KCNG2: variants seen among roughly 807,000 people sequenced by gnomAD.
KCNG2 encodes voltage-gated potassium channel regulatory subunit KCNG2.
A neutral mutation model predicts 12.3 loss-of-function variants in KCNG2; 7 were observed. The ratio of observed to expected loss-of-function variants is 0.57; its 90% CI spans 0.32 to 1.07. The LOEUF is 1.07. Ranked by LOEUF, KCNG2 falls within the 50% of genes least tolerant of loss-of-function variation. The probability of loss-of-function intolerance (pLI) is 0.04; values close to 1 mark genes in which losing one functional copy is unlikely to be tolerated. For missense variants in KCNG2, 703 were observed against 726.0 expected (o/e 0.97, Z 0.36); for synonymous variants, 414 against 351.4 (o/e 1.18, Z -1.99).
chr18:79,846,217 C>T (rs946204106), intron 1 of KCNG2, among the ~76,000 whole-genome samples: 2 of 135,104 alleles, frequency 1.5e-5, no homozygotes, highest in South Asian at 4.7e-4. Context: ...CTAAAAAATA[C>T]AAAAAATTGG....
chr18:79,822,527 C>T lies in KCNG2; in HGVS notation c.-115+24513C>T, dbSNP rs1013312552. 1.3e-5 allele frequency among the ~76,000 whole-genome samples: 2 copies of T among 152,192 alleles called. No homozygotes were observed. The highest frequency in any genetic ancestry group is 1.5e-5 in the Non-Finnish European group (1 of 68,042). Reference sequence around the variant, plus strand: ...CAGTCATGGCTCCCTGCAGCCTCAGCCTCCAGGGCTCAAGCATCCTCCCAC... The same window carrying T: ...CAGTCATGGCTCCCTGCAGCCTCAGTCTCCAGGGCTCAAGCATCCTCCCAC... On this transcript the variant is annotated intron_variant, in intron 1 of 3. Coordinates refer to ENST00000316249, the MANE Select transcript of KCNG2 (RefSeq NM_012283.2). This position sits in a 1 kb window ranked among gnomAD's most constrained non-coding sequence, Gnocchi z 4.4.
intron 3 of KCNG2, among the ~76,000 whole-genome samples, chr18:79,873,758 G>A (rs1006862215): frequency 6.6e-6 from 1 of 152,236 alleles, no homozygotes; most frequent in Non-Finnish European, 1.5e-5. Flanking sequence ...CGCGGTTAGA[G>A]CTGGCAACAG....
intron 1 of KCNG2, among the ~76,000 whole-genome samples, chr18:79,817,371 G>T (rs1162474279): frequency 1.3e-5 from 2 of 152,188 alleles, no homozygotes; most frequent in Non-Finnish European, 2.9e-5. Flanking sequence ...ACACACAGTT[G>T]TCATGCCTGG....
At chr18:79,866,373 T>C (rs1599408300) in intron 3 of KCNG2, among the ~76,000 whole-genome samples, 1 of 116,656 alleles carries the variant, frequency 8.6e-6, no homozygotes. Context: ...GTCTGGGTGC[T>C]GAGGTCTGGG....
chr18:79,898,862 G>GT (rs1197242068), intron 3 of KCNG2, among the ~76,000 whole-genome samples, 178 bp from the exon 4 acceptor site: 1 of 152,256 alleles, frequency 6.6e-6, no homozygotes, highest in Non-Finnish European at 1.5e-5. Context: ...AATCTTGCTG[G>GT]TTTTCTGGGT....
chr18:79,836,318 G>A (rs1001801995), intron 1 of KCNG2, among the ~76,000 whole-genome samples: 5 of 152,146 alleles, frequency 3.3e-5, no homozygotes, highest in Non-Finnish European at 5.9e-5. Context: ...GATCTAAGAG[G>A]ACATAGCAAT....
At chr18:79,879,545 A>T (rs1400200131) in intron 3 of KCNG2, among the ~76,000 whole-genome samples, 1 of 152,090 alleles carries the variant, frequency 6.6e-6, no homozygotes, top group Non-Finnish European at 1.5e-5. Context: ...AAATGGGATT[A>T]CCCTACTCAA....
intron 3 of KCNG2, among the ~76,000 whole-genome samples, chr18:79,866,363 GTCT>G (rs1979546712): frequency 9.8e-6 from 1 of 102,018 alleles, no homozygotes; most frequent in Non-Finnish European, 2.3e-5. Context: ...GTGTGCTGAG[GTCT>G]GGGTGCTGAG....
intron 1 of KCNG2, among the ~76,000 whole-genome samples, chr18:79,809,527 G>GCTCTGAGGAGCTGCCGGGGCCTCA (rs2087476885): frequency 4.2e-5 from 2 of 47,288 alleles, no homozygotes; most frequent in Admixed American, 2.3e-4. Flanking sequence ...CCGGGGCCGC[G>GCTCTGAGGAGCTGCCGGGGCCTCA]CTGACCACAC....
Position 79,899,367 on chromosome 18 carries a change from T to G in KCNG2, c.952T>G (p.Cys318Gly). Reference sequence around the variant, plus strand: ...TTCGCTGGGCCTGACCATGCGCCGCTGCGCGCGCGAGTTCGGGCTGCTGCT... The same window carrying G: ...TTCGCTGGGCCTGACCATGCGCCGCGGCGCGCGCGAGTTCGGGCTGCTGCT... ...LRSLGLTMRR[C>G]AREFGLLLLF... Residue 318 changes from cysteine (C) to glycine (G), a missense_variant, in exon 4 of 4, where the codon TGC (cysteine) becomes GGC (glycine). Cys to Gly is a radical substitution (Grantham distance 159). Coordinates refer to ENST00000316249, the MANE Select transcript of KCNG2 (RefSeq NM_012283.2). The G allele has an allele frequency of 6.4e-7, 1 of 1,556,460 alleles. No individual in the cohort carries two copies.
At chr18:79,872,533 C>T (rs894061989) in intron 3 of KCNG2, among the ~76,000 whole-genome samples, 2 of 152,248 alleles carry the variant, frequency 1.3e-5, no homozygotes, top group East Asian at 1.9e-4. Context: ...GATACACGCA[C>T]CTTGGCCTCC....
chr18:79,859,589 C>T (rs759981594), intron 2 of KCNG2, among the ~76,000 whole-genome samples: 10 of 152,216 alleles, frequency 6.6e-5, no homozygotes, highest in Non-Finnish European at 1.2e-4. Context: ...GCCCCCATGA[C>T]CCAAACCCCT....
intron 2 of KCNG2, among the ~76,000 whole-genome samples, chr18:79,859,668 C>T (rs893878100): frequency 2.0e-5 from 3 of 152,194 alleles, no homozygotes; most frequent in South Asian, 2.1e-4. Context: ...AATATCCAAA[C>T]GATAGCAGGG....
rs1409090777 is a variant in KCNG2 at position 79,803,095 on chromosome 18, T to C, written c.-115+5081T>C. Among the ~76,000 whole-genome samples the C allele has an allele frequency of 6.6e-6, 1 of 152,170 alleles. No individual in the cohort carries two copies. The highest frequency in any genetic ancestry group is 1.5e-5 in the Non-Finnish European group (1 of 68,028). ...TGGGAGGCTGAGGCAGGAGAATCGC[T>C]TGAACCCGGAAGGCGGAGCTTGCAG... On this transcript the variant is annotated intron_variant, in intron 1 of 3. Coordinates refer to ENST00000316249, the MANE Select transcript of KCNG2 (RefSeq NM_012283.2). This position sits in a 1 kb window ranked among gnomAD's most constrained non-coding sequence, Gnocchi z 4.5.
At chr18:79,893,148 A>G (rs1425980905) in intron 3 of KCNG2, among the ~76,000 whole-genome samples, 1 of 151,612 alleles carries the variant, frequency 6.6e-6, no homozygotes. Flanking sequence ...CGCCATTCAC[A>G]TCTAATGTTA....
At position 79,824,823 on chromosome 18, in the gene KCNG2, G is replaced by A. The variant is rs138491937; in HGVS notation, c.-115+26809G>A. Reference sequence around the variant, plus strand: ...CTTCTGGAACAAATTCTACTTTGTCGCAGTATTTTTTTTTCTTAAGAGGCA... The same window carrying A: ...CTTCTGGAACAAATTCTACTTTGTCACAGTATTTTTTTTTCTTAAGAGGCA... On this transcript the variant is annotated intron_variant, in intron 1 of 3. Transcript: ENST00000316249. Among the ~76,000 whole-genome samples, 644 of 152,152 alleles carry A rather than the reference G, an allele frequency of 4.2e-3. 7 individuals carry two copies. Among genetic ancestry groups the A allele is most frequent in the African/African-American group, 0.015 (609 of 41,490 alleles).
At position 79,800,755 on chromosome 18, in the gene KCNG2, G is replaced by A. The variant is rs1380147710; in HGVS notation, c.-115+2741G>A. 6.6e-6 allele frequency among the ~76,000 whole-genome samples: 1 copy of A among 152,202 alleles called. No individual in the cohort carries two copies. The highest frequency in any genetic ancestry group is 1.5e-5 in the Non-Finnish European group (1 of 68,044). Reference sequence around the variant, plus strand: ...TTGCAGTCGGCCTGGCGTGTCCTGCGGGCACCCGCAGGCTCTGCTCACCCA... The same window carrying A: ...TTGCAGTCGGCCTGGCGTGTCCTGCAGGCACCCGCAGGCTCTGCTCACCCA... On this transcript the variant is annotated intron_variant, in intron 1 of 3. Coordinates refer to ENST00000316249, the MANE Select transcript of KCNG2 (RefSeq NM_012283.2). This position sits in a 1 kb window ranked among gnomAD's most constrained non-coding sequence, Gnocchi z 4.0.
intron 1 of KCNG2, among the ~76,000 whole-genome samples, chr18:79,808,167 T>C (rs369210810): frequency 7.6e-3 from 576 of 75,570 alleles, no homozygotes; most frequent in East Asian, 0.031. Flanking sequence ...CTCCACGTTA[T>C]GGGCCCAGAG....
chr18:79,879,841 G>C (rs1358395441), intron 3 of KCNG2, among the ~76,000 whole-genome samples: 2 of 152,142 alleles, frequency 1.3e-5, no homozygotes, highest in Non-Finnish European at 2.9e-5. Flanking sequence ...TATTCTAAAA[G>C]CTTCCATGGT....
Sources: allele counts gnomAD v4.1 joint callset (sites outside exome capture counted in the v4.1 genomes callset), GRCh38; gene constraint gnomAD v4.1.1; non-coding constraint Gnocchi (gnomAD v3.1); transcripts MANE v1.5; gene names NCBI Gene and HGNC (gene_info 2026-07-23, HGNC 2026-07-21).